LYPD6B: variants seen among roughly 807,000 people sequenced by gnomAD.
LYPD6B encodes LY6/PLAUR domain containing 6B, also known as ly6/PLAUR domain-containing protein 6B.
LYPD6B carries 17 observed loss-of-function variants against 22.8 expected under a neutral mutation model. The ratio of observed to expected loss-of-function variants is 0.75; its 90% CI spans 0.51 to 1.12. LYPD6B has a LOEUF of 1.12. Ranked by LOEUF, LYPD6B falls within the 50% of genes most tolerant of loss-of-function variation. The probability of loss-of-function intolerance (pLI) is 0.00; values close to 1 mark genes in which losing one functional copy is unlikely to be tolerated. For missense variants in LYPD6B, 221 were observed against 258.3 expected (o/e 0.86, Z 0.99); for synonymous variants, 106 against 91.6 (o/e 1.16, Z -0.90).
At chr2:149,176,561 C>A (rs994732813) in intron 3 of LYPD6B, among the ~76,000 whole-genome samples, 1 of 152,086 alleles carries the variant, frequency 6.6e-6, no homozygotes, top group Non-Finnish European at 1.5e-5. Context: ...CTGCAAAGAC[C>A]CCTCTGCCTG....
intron 1 of LYPD6B, among the ~76,000 whole-genome samples, chr2:149,128,248 T>C (rs1228141675): frequency 6.6e-6 from 1 of 152,222 alleles, no homozygotes; most frequent in African/African-American, 2.4e-5. Flanking sequence ...TTTACTGGAA[T>C]TGAATTGCAT....
intron 1 of LYPD6B, among the ~76,000 whole-genome samples, chr2:149,070,264 C>T (rs972200340): frequency 3.3e-5 from 5 of 152,134 alleles, no homozygotes; most frequent in East Asian, 1.9e-4. Context: ...GACTCTTCCC[C>T]GCTAACCTAG....
At chr2:149,120,856 A>T (rs190978580) in intron 1 of LYPD6B, among the ~76,000 whole-genome samples, 333 of 128,296 alleles carry the variant, frequency 2.6e-3, no homozygotes, top group African/African-American at 0.01. Flanking sequence ...CAGTGGCGTG[A>T]TCTCGGCTCA....
intron 3 of LYPD6B, among the ~76,000 whole-genome samples, chr2:149,192,248 C>A (rs1230437737): frequency 6.6e-6 from 1 of 152,126 alleles, no homozygotes; most frequent in Non-Finnish European, 1.5e-5. Context: ...TCTCAGCCTT[C>A]TTTCCAGGAA....
chr2:149,143,483 A>G lies in LYPD6B; in HGVS notation c.5+12530A>G, dbSNP rs186244907. Among the ~76,000 whole-genome samples the G allele has an allele frequency of 7.4e-5, 11 of 148,716 alleles. No individual in the cohort carries two copies. The East Asian group carries it at 2.2e-3, about 30-fold the overall frequency. Reference sequence around the variant, plus strand: ...ACTATACCGTTTGAAAAGTTTAGAAATTTGTGTTCTAACATTGCAACATGT... The same window carrying G: ...ACTATACCGTTTGAAAAGTTTAGAAGTTTGTGTTCTAACATTGCAACATGT... On this transcript the variant is annotated intron_variant, in intron 2 of 6. Coordinates refer to ENST00000409642, the MANE Select transcript of LYPD6B (RefSeq NM_177964.5).
chr2:149,043,644 A>G (rs1316772993), intron 1 of LYPD6B, among the ~76,000 whole-genome samples: 1 of 152,140 alleles, frequency 6.6e-6, no homozygotes, highest in Non-Finnish European at 1.5e-5. Context: ...TAATTTTGAT[A>G]AACCAGTTTA....
At chr2:149,115,179 T>C (rs889510728) in intron 1 of LYPD6B, among the ~76,000 whole-genome samples, 1 of 152,260 alleles carries the variant, frequency 6.6e-6, no homozygotes, top group Middle Eastern at 3.4e-3. Flanking sequence ...CCTCAAGTGA[T>C]CCTCTCGCCT....
At chr2:149,187,404 T>C in intron 3 of LYPD6B, 2 of 1,513,788 alleles carry the variant, frequency 1.3e-6, no homozygotes, top group East Asian at 5.1e-5. Context: ...GATACAATTG[T>C]TATAAGATTA....
chr2:149,172,183 G>A (rs887034420), intron 3 of LYPD6B, among the ~76,000 whole-genome samples: 1 of 152,078 alleles, frequency 6.6e-6, no homozygotes, highest in African/African-American at 2.4e-5. Flanking sequence ...AGCAAAAGGG[G>A]GAGAAGCCCC....
chr2:149,057,844 G>A (rs1683878159), intron 1 of LYPD6B, among the ~76,000 whole-genome samples: 1 of 152,108 alleles, frequency 6.6e-6, no homozygotes, highest in Non-Finnish European at 1.5e-5. Context: ...GCTGGGGTGG[G>A]GATTGGTGGT....
chr2:149,159,281 A>C (rs1330782138), intron 2 of LYPD6B, among the ~76,000 whole-genome samples: 1 of 152,128 alleles, frequency 6.6e-6, no homozygotes, highest in Admixed American at 6.5e-5. Flanking sequence ...CACAAAGCTA[A>C]CACTCTTGAG....
At chr2:149,073,860 G>T (rs866663080) in intron 1 of LYPD6B, among the ~76,000 whole-genome samples, 4 of 152,010 alleles carry the variant, frequency 2.6e-5, no homozygotes, top group South Asian at 4.2e-4. Flanking sequence ...CAATGAGAGA[G>T]GGAGAGGACA....
chr2:149,141,824 A>G (rs1417773763), intron 2 of LYPD6B, among the ~76,000 whole-genome samples: 1 of 152,184 alleles, frequency 6.6e-6, no homozygotes, highest in African/African-American at 2.4e-5. Context: ...CAGCAAGGCC[A>G]TGCTTCCTCT....
chr2:149,175,529 A>G, intron 3 of LYPD6B, among the ~76,000 whole-genome samples: 1 of 152,038 alleles, frequency 6.6e-6, no homozygotes, highest in East Asian at 1.9e-4. Context: ...TTTATTAAAA[A>G]TATTTTTCTT....
chr2:149,116,550 C>T (rs535561311), intron 1 of LYPD6B, among the ~76,000 whole-genome samples: 10 of 152,308 alleles, frequency 6.6e-5, no homozygotes, highest in African/African-American at 1.9e-4. Flanking sequence ...GACACCTATT[C>T]GATTTGAATC....
Position 149,143,774 on chromosome 2 carries a change from G to A in LYPD6B, c.5+12821G>A, listed in dbSNP as rs1298807910. ...ACAAGAATATTTAACAGATTTCTTG[G>A]CATCATCCCCACTTTTAATATTACT... On this transcript the variant is annotated intron_variant, in intron 2 of 6. Coordinates refer to ENST00000409642, the MANE Select transcript of LYPD6B (RefSeq NM_177964.5). 2.0e-5 allele frequency: 3 copies of A among 152,164 alleles called. No individual in the cohort carries two copies. In the East Asian group the frequency reaches 5.8e-4, roughly 29 times the overall value. The allele number at this position is 152,164 out of a possible 1,614,324, so 9.4% of individuals were successfully genotyped here.
At chr2:149,101,087 C>G (rs896251522) in intron 1 of LYPD6B, 2 of 152,236 alleles carry the variant, frequency 1.3e-5, no homozygotes, top group African/African-American at 4.8e-5. Context: ...TACCTTGACT[C>G]GATGTTCACC....
At position 149,168,604 on chromosome 2, in the gene LYPD6B, A is replaced by G. The variant is rs190008902; in HGVS notation, c.77+7769A>G. Among the ~76,000 whole-genome samples the G allele has an allele frequency of 8.5e-5, 13 of 152,328 alleles. No individual in the cohort carries two copies. The East Asian group carries it at 2.5e-3, about 29-fold the overall frequency. Reference sequence around the variant, plus strand: ...CTGTGAATATTGAGTTCTGTCTGCTATCAGCTGTGGCTCCCCATGCCTGTT... The same window carrying G: ...CTGTGAATATTGAGTTCTGTCTGCTGTCAGCTGTGGCTCCCCATGCCTGTT... On this transcript the variant is annotated intron_variant, in intron 3 of 6. Coordinates refer to ENST00000409642, the MANE Select transcript of LYPD6B (RefSeq NM_177964.5).
At chr2:149,052,680 G>A (rs776262879) in intron 1 of LYPD6B, among the ~76,000 whole-genome samples, 1 of 152,228 alleles carries the variant, frequency 6.6e-6, no homozygotes, top group South Asian at 2.1e-4. Flanking sequence ...CCCCACTGCT[G>A]TCCAGATTGA....
Sources: allele counts gnomAD v4.1 joint callset (sites outside exome capture counted in the v4.1 genomes callset), GRCh38; gene constraint gnomAD v4.1.1; transcripts MANE v1.5; gene names NCBI Gene and HGNC (gene_info 2026-07-23, HGNC 2026-07-21).